Variants in CERS6 observed in about 807,000 individuals in gnomAD.
The protein encoded by CERS6 is LAG1 homolog, ceramide synthase 6.
In CERS6, 26 loss-of-function variants were observed where a neutral mutation model predicts 56.8. The observed-to-expected ratio is 0.46, with a 90% CI of 0.34 to 0.63. The LOEUF (loss-of-function observed/expected upper bound fraction) is 0.63, where lower values mean the gene tolerates loss of function less well. CERS6 is among the 30% of genes least tolerant of loss of function. CERS6 has a pLI of 0.01. For missense variants in CERS6, 415 were observed against 467.5 expected (o/e 0.89, Z 1.04); for synonymous variants, 164 against 173.3 (o/e 0.95, Z 0.42).
intron 1 of CERS6, among the ~76,000 whole-genome samples, chr2:168,468,144 G>A (rs192867509): frequency 4.1e-4 from 63 of 152,232 alleles, no homozygotes; most frequent in Admixed American, 3.6e-3. Flanking sequence ...TTAAACAAGT[G>A]GGGGGCCGCT....
In CERS6 at chr2:168,586,663, T is replaced by C. The variant is rs78710676; in HGVS notation, c.407+25341T>C. ...TGTCCATAAGTTTCACACGTTGTCA[T>C]TGGCTTTATGGTTCTGAAATTCAGG... On this transcript the variant is annotated intron_variant, in intron 3 of 9. Coordinates refer to ENST00000305747, the MANE Select transcript of CERS6 (RefSeq NM_203463.3). Among the ~76,000 whole-genome samples, 675 of 152,300 alleles carry C rather than the reference T, an allele frequency of 4.4e-3. 7 individuals carry two copies. Among genetic ancestry groups the C allele is most frequent in the African/African-American group, 0.015 (629 of 41,566 alleles).
At chr2:168,459,757 G>C (rs888859697) in intron 1 of CERS6, among the ~76,000 whole-genome samples, 32 of 152,040 alleles carry the variant, frequency 2.1e-4, no homozygotes, top group African/African-American at 7.7e-4. Flanking sequence ...TCATCTGTTT[G>C]ATGAATTTTC....
At chr2:168,687,615 T>G (rs1169257613) in intron 4 of CERS6, among the ~76,000 whole-genome samples, 1 of 152,226 alleles carries the variant, frequency 6.6e-6, no homozygotes, top group Admixed American at 6.5e-5. Flanking sequence ...AGATGACACG[T>G]GTAAAATACT....
intron 1 of CERS6, among the ~76,000 whole-genome samples, chr2:168,498,119 A>T (rs2105343109): frequency 6.6e-6 from 1 of 152,304 alleles, no homozygotes; most frequent in South Asian, 2.1e-4. Context: ...TCAGTTTTGT[A>T]AACACCACAA....
intron 4 of CERS6, among the ~76,000 whole-genome samples, chr2:168,638,245 T>C (rs1159835106): frequency 1.3e-5 from 2 of 152,184 alleles, no homozygotes; most frequent in East Asian, 3.8e-4. Context: ...AATTCCTTTT[T>C]ACACAAGTTG....
At chr2:168,626,493 T>C (rs980781281) in intron 3 of CERS6, among the ~76,000 whole-genome samples, 1 of 152,222 alleles carries the variant, frequency 6.6e-6, no homozygotes, top group East Asian at 1.9e-4. Flanking sequence ...CAAAGAGCCC[T>C]GTTCAACCTT....
In CERS6 at chr2:168,515,618, G is replaced by A. The variant is rs187426812; in HGVS notation, c.171-31978G>A. Among the ~76,000 whole-genome samples the A allele has an allele frequency of 3.9e-5, 6 of 151,962 alleles. No individual in the cohort carries two copies. In the East Asian group the frequency reaches 1.2e-3, roughly 29 times the overall value. On this transcript the variant is annotated intron_variant, in intron 1 of 9. Transcript: ENST00000305747. ...TTTTGTCTCAGGAGAAAAGTAATTG[G>A]CCCTGTTAAAAGGAGACTTTGACAA... is the stretch of plus-strand genomic sequence containing the variant.
chr2:168,474,339 C>T (rs552979903), intron 1 of CERS6, among the ~76,000 whole-genome samples: 1 of 152,114 alleles, frequency 6.6e-6, no homozygotes, highest in South Asian at 2.1e-4. Flanking sequence ...GGTGTTTTTC[C>T]CTAAACTGAC....
At chr2:168,762,001 TGTCAGGGG>T (rs1684594793) in intron 8 of CERS6, among the ~76,000 whole-genome samples, 1 of 152,026 alleles carries the variant, frequency 6.6e-6, no homozygotes, top group Non-Finnish European at 1.5e-5. Flanking sequence ...CACTGGGGCC[TGTCAGGGG>T]GTCAGGGGCA....
chr2:168,583,402 TA>T (rs773193143), intron 3 of CERS6, among the ~76,000 whole-genome samples: 36 of 152,318 alleles, frequency 2.4e-4, no homozygotes, highest in Non-Finnish European at 3.8e-4. Context: ...CTGATTTGGA[TA>T]GGGGCAAAGC....
chr2:168,755,193 G>A (rs1329503655), intron 8 of CERS6, among the ~76,000 whole-genome samples: 1 of 152,198 alleles, frequency 6.6e-6, no homozygotes, highest in Non-Finnish European at 1.5e-5. Context: ...ACTGTTTTAG[G>A]ATCTTGGTCT....
chr2:168,456,291 C>A lies in CERS6; in HGVS notation c.-158C>A. 3.8e-6 allele frequency: 1 copy of A among 262,862 alleles called. No homozygotes were observed. Among genetic ancestry groups the A allele is most frequent in the Non-Finnish European group, 6.4e-6 (1 of 156,292 alleles). 16.3% of individuals were successfully genotyped at this position (262,862 alleles called of 1,614,324 possible). On this transcript the variant is annotated 5_prime_UTR_variant, in exon 1 of 10. Transcript: ENST00000305747. The surrounding 1 kb of genome is among the most constrained non-coding windows in gnomAD (Gnocchi z 4.1). ...AGAACCGGGGCTCGCCGCGAGCCTT[C>A]GAGAGCAGCGGCCGCGGAGGAGGCG...
intron 3 of CERS6, among the ~76,000 whole-genome samples, chr2:168,627,017 G>C (rs1015434013): frequency 1.3e-5 from 2 of 152,168 alleles, no homozygotes; most frequent in Admixed American, 6.6e-5. Flanking sequence ...CTTTCATAAA[G>C]ACACAGAGGT....
At chr2:168,722,383 A>AT (rs1051699667) in intron 8 of CERS6, among the ~76,000 whole-genome samples, 22 of 150,312 alleles carry the variant, frequency 1.5e-4, no homozygotes, top group African/African-American at 4.2e-4. Context: ...ATTTACTCCT[A>AT]TTTTTTTTTC....
chr2:168,474,462 T>C (rs1398874956), intron 1 of CERS6, among the ~76,000 whole-genome samples: 3 of 152,226 alleles, frequency 2.0e-5, no homozygotes, highest in Admixed American at 1.3e-4. Flanking sequence ...CAACGCAGTA[T>C]GAGGAAATGC....
chr2:168,720,857 A>G (rs1355183895), intron 8 of CERS6, among the ~76,000 whole-genome samples: 1 of 152,224 alleles, frequency 6.6e-6, no homozygotes, highest in Non-Finnish European at 1.5e-5. Flanking sequence ...GGTACGGTTC[A>G]AAAAATATAA....
chr2:168,631,497 A>G (rs1355019520), intron 4 of CERS6, among the ~76,000 whole-genome samples: 1 of 77,804 alleles, frequency 1.3e-5, no homozygotes, highest in Non-Finnish European at 2.6e-5. Flanking sequence ...TAAACTATAT[A>G]TTAATATAAT....
Position 168,543,932 on chromosome 2 carries a change from G to A in CERS6, c.171-3664G>A, listed in dbSNP as rs372893231. Among the ~76,000 whole-genome samples, 7 of 152,200 alleles carry A rather than the reference G, an allele frequency of 4.6e-5. No individual in the cohort carries two copies. In the East Asian group the frequency reaches 9.7e-4, roughly 21 times the overall value. ...GTCCCAAATGACCCTGAGTAGATGT[G>A]GATATTCAAGGAAATTAAAATGCAA... On this transcript the variant is annotated intron_variant, in intron 1 of 9. Coordinates refer to ENST00000305747, the MANE Select transcript of CERS6 (RefSeq NM_203463.3).
At position 168,749,433 on chromosome 2, in the gene CERS6, C is replaced by G. The variant is rs375015686; in HGVS notation, c.846-16159C>G. 3.7e-4 allele frequency among the ~76,000 whole-genome samples: 57 copies of G among 152,324 alleles called. No individual in the cohort carries two copies. In the South Asian group the frequency reaches 0.011, roughly 29 times the overall value. On this transcript the variant is annotated intron_variant, in intron 8 of 9. Transcript: ENST00000305747. Reference sequence around the variant, plus strand: ...CAGGTATGCCCTCCTTTTCCCTGGCCTCCTGTCTTCTCAGCACTTCCAGGG... The same window carrying G: ...CAGGTATGCCCTCCTTTTCCCTGGCGTCCTGTCTTCTCAGCACTTCCAGGG...
Sources: allele counts gnomAD v4.1 joint callset (sites outside exome capture counted in the v4.1 genomes callset), GRCh38; gene constraint gnomAD v4.1.1; non-coding constraint Gnocchi (gnomAD v3.1); transcripts MANE v1.5; gene names NCBI Gene and HGNC (gene_info 2026-07-23, HGNC 2026-07-21).